JAM2: variants seen among roughly 807,000 people sequenced by gnomAD.
JAM2 encodes junctional adhesion molecule B.
A neutral mutation model predicts 42.0 loss-of-function variants in JAM2; 17 were observed. The observed-to-expected ratio is 0.40, with a 90% CI of 0.28 to 0.61. The LOEUF is 0.61. Among genes scored for constraint, JAM2 ranks in the 20% least tolerant of loss-of-function variants. JAM2 has a pLI of 0.37. For missense variants in JAM2, 319 were observed against 358.3 expected (o/e 0.89, Z 0.89); for synonymous variants, 118 against 128.6 (o/e 0.92, Z 0.56).
intron 1 of JAM2, among the ~76,000 whole-genome samples, chr21:25,662,326 G>A (rs1219395712): frequency 6.6e-6 from 1 of 151,798 alleles, no homozygotes; most frequent in Admixed American, 6.6e-5. Context: ...TTTTGTTTTT[G>A]TTGTGTAGAG....
intron 1 of JAM2, among the ~76,000 whole-genome samples, chr21:25,675,283 A>C (rs1330636434): frequency 6.6e-6 from 1 of 152,030 alleles, no homozygotes; most frequent in Non-Finnish European, 1.5e-5. Context: ...ATCACTTGAG[A>C]CCAGCAGTTT....
intron 6 of JAM2, among the ~76,000 whole-genome samples, chr21:25,702,938 T>C (rs1002932400): frequency 1.3e-5 from 2 of 152,106 alleles, no homozygotes; most frequent in Non-Finnish European, 2.9e-5. Context: ...CTGCAACCTC[T>C]GCCTCCCAGG....
intron 1 of JAM2, among the ~76,000 whole-genome samples, chr21:25,646,211 T>G (rs190760967): frequency 1.3e-5 from 2 of 152,360 alleles, no homozygotes; most frequent in African/African-American, 4.8e-5. Context: ...AAAATGTCAT[T>G]ATGCAGTGCA....
rs928263999 is a variant in JAM2, at chr21:25,715,786, A to G, written c.*1114A>G. ...ACAAAAGCTTCCAGCTACTATTACAATGTGAAAATTCCAATGATCCGTTTA... is the reference window on the plus strand; with the variant it reads ...ACAAAAGCTTCCAGCTACTATTACAGTGTGAAAATTCCAATGATCCGTTTA... On this transcript the variant is annotated 3_prime_UTR_variant, in exon 10 of 10. Transcript: ENST00000480456. 2 of 152,210 alleles carry G rather than the reference A, an allele frequency of 1.3e-5. No individual in the cohort carries two copies. The highest frequency in any genetic ancestry group is 2.9e-5 in the Non-Finnish European group (2 of 68,042). The allele number at this position is 152,210 out of a possible 1,614,324, so 9.4% of individuals were successfully genotyped here.
intron 5 of JAM2, among the ~76,000 whole-genome samples, chr21:25,699,095 C>G (rs8129655): frequency 0.28 from 43,249 of 151,992 alleles, 8,162 homozygotes; most frequent in African/African-American, 0.53. Context: ...AGGGAGCTGA[C>G]TGTGCAAGGA....
chr21:25,712,028 A>C (rs539738944), intron 8 of JAM2: 1 of 241,544 alleles, frequency 4.1e-6, no homozygotes, highest in South Asian at 6.1e-5. Flanking sequence ...CAAAATATTA[A>C]ATGTTAATAT....
At chr21:25,710,078 C>G (rs1431372084) in intron 8 of JAM2, 1 of 152,036 alleles carries the variant, frequency 6.6e-6, no homozygotes, top group Non-Finnish European at 1.5e-5. Flanking sequence ...GATTACCCAG[C>G]CTACTTGTAA....
At position 25,702,230 on chromosome 21, in the gene JAM2, G is replaced by C; in HGVS notation, c.658G>C (p.Val220Leu). The stretch of plus-strand genomic sequence containing the variant: ...ATATTCCTGTGAAGCCCGCAATTCT[G>C]TTGGATATCGCAGGTGTCCTGGGAA... Reference protein sequence around the residue: ...GEYSCEARNSVGYRRCPGKRM... With the variant: ...GEYSCEARNSLGYRRCPGKRM... The change falls in exon 6 of 10, where the codon GTT becomes CTT. Residue 220 changes from valine (V) to leucine (L), a missense_variant. By Grantham distance (32) the Val-to-Leu change is conservative. Coordinates refer to ENST00000480456, the MANE Select transcript of JAM2 (RefSeq NM_021219.4). The C allele has an allele frequency of 6.3e-7, 1 of 1,599,164 alleles. No individual in the cohort carries two copies. The highest frequency in any genetic ancestry group is 1.1e-5 in the South Asian group (1 of 89,620).
At chr21:25,693,127 CA>C (rs1319802684) in intron 3 of JAM2, among the ~76,000 whole-genome samples, 1 of 152,042 alleles carries the variant, frequency 6.6e-6, no homozygotes, top group Non-Finnish European at 1.5e-5. Flanking sequence ...ATAAAGATTT[CA>C]AAATTTTGAT....
intron 5 of JAM2, among the ~76,000 whole-genome samples, chr21:25,701,600 C>T (rs1417843227): frequency 1.3e-5 from 2 of 152,188 alleles, no homozygotes; most frequent in Non-Finnish European, 2.9e-5. Context: ...GGAGCAAGGG[C>T]TGGCTTTTCT....
At chr21:25,692,714 C>T (rs185775171) in intron 3 of JAM2, among the ~76,000 whole-genome samples, 16 of 152,076 alleles carry the variant, frequency 1.1e-4, no homozygotes, top group East Asian at 7.7e-4. Context: ...TCTGAAAATA[C>T]GCAATTTTTA....
intron 3 of JAM2, among the ~76,000 whole-genome samples, chr21:25,693,322 A>G (rs546102576): frequency 6.6e-6 from 1 of 151,882 alleles, no homozygotes; most frequent in African/African-American, 2.4e-5. Context: ...CAGTGACACA[A>G]TCTCGGCTCA....
At chr21:25,674,856 T>A (rs2033446030) in intron 1 of JAM2, among the ~76,000 whole-genome samples, 1 of 151,976 alleles carries the variant, frequency 6.6e-6, no homozygotes, top group South Asian at 2.1e-4. Context: ...ATTGGGTTAC[T>A]TTCTATTAAT....
Position 25,714,272 on chromosome 21 carries a change from C to T in JAM2, c.865-368C>T, listed in dbSNP as rs781474012. 1.9e-5 allele frequency: 23 copies of T among 1,241,244 alleles called. 1 individual carries two copies. In the East Asian group the frequency reaches 3.4e-4, roughly 18 times the overall value. The allele number at this position is 1,241,244 out of a possible 1,614,324, so 76.9% of individuals were successfully genotyped here. A position where few individuals can be genotyped will look rare whatever the true frequency, so the allele number is the denominator to read the frequency against. ...CTGTAATCCCAGCACTTTGGAAGGC[C>T]GCGGCGGGCGGATCACGAGGTCAGG... On this transcript the variant is annotated intron_variant, in intron 9 of 9. Coordinates refer to ENST00000480456, the MANE Select transcript of JAM2 (RefSeq NM_021219.4).
At chr21:25,705,844 C>G in intron 6 of JAM2, 135 bp from the exon 7 acceptor site, 4 of 602,928 alleles carry the variant, frequency 6.6e-6, no homozygotes, top group Non-Finnish European at 9.0e-6. Context: ...GTTAGTTGAA[C>G]AGGCTTCACA....
chr21:25,658,338 A>G (rs2032994024), intron 1 of JAM2, among the ~76,000 whole-genome samples: 1 of 152,160 alleles, frequency 6.6e-6, no homozygotes, highest in African/African-American at 2.4e-5. Flanking sequence ...TATATATTTC[A>G]GGAAGCAATA....
intron 5 of JAM2, among the ~76,000 whole-genome samples, chr21:25,699,688 G>A (rs9974869): frequency 0.46 from 64,642 of 140,334 alleles, 16,541 homozygotes; most frequent in African/African-American, 0.72. Flanking sequence ...GCGCCACTGC[G>A]CTCCAGCCTG....
At chr21:25,703,335 G>A (rs556483466) in intron 6 of JAM2, among the ~76,000 whole-genome samples, 264 of 152,214 alleles carry the variant, frequency 1.7e-3, no homozygotes, top group Admixed American at 4.3e-3. Context: ...AATACATAAC[G>A]AATAAAATTT....
chr21:25,703,470 T>C (rs2034209898), intron 6 of JAM2, among the ~76,000 whole-genome samples: 1 of 152,198 alleles, frequency 6.6e-6, no homozygotes, highest in African/African-American at 2.4e-5. Flanking sequence ...ATCCGAGGTG[T>C]TTTGTGTCCT....
Sources: allele counts gnomAD v4.1 joint callset (sites outside exome capture counted in the v4.1 genomes callset), GRCh38; gene constraint gnomAD v4.1.1; transcripts MANE v1.5; gene names NCBI Gene and HGNC (gene_info 2026-07-23, HGNC 2026-07-21).